SNX19: variants seen among roughly 807,000 people sequenced by gnomAD.
The protein encoded by SNX19 is sorting nexin 19.
A neutral mutation model predicts 85.2 loss-of-function variants in SNX19; 60 were observed. The ratio of observed to expected loss-of-function variants is 0.70; its 90% CI spans 0.57 to 0.87. SNX19 has a LOEUF of 0.87. Among genes scored for constraint, SNX19 ranks in the 40% least tolerant of loss-of-function variants. The pLI, the probability that SNX19 is intolerant of heterozygous loss-of-function variation, is 0.00. For synonymous variants in SNX19, 520 were observed against 470.0 expected, an observed-to-expected ratio of 1.11 and a Z score of -1.38; for missense variants, 1,201 against 1,217.8, an observed-to-expected ratio of 0.99 and a Z score of 0.21.
rs764424063 is a variant in SNX19 at position 130,915,545 on chromosome 11, T to G, written c.395A>C (p.Glu132Ala). The G allele has an allele frequency of 6.2e-7, 1 of 1,614,180 alleles. No individual in the cohort carries two copies. The highest frequency in any genetic ancestry group is 8.5e-7 in the Non-Finnish European group (1 of 1,180,026). Residue 132 changes from glutamate to alanine, a missense_variant, in exon 1 of 11, where the codon GAG becomes GCG. Transcript: ENST00000265909. ...CTGGACCAACCCTTTCATGGCTGCCTCCATTTCTTCCTCAAAGGCTGGCTC... is the reference window on the plus strand; with the variant it reads ...CTGGACCAACCCTTTCATGGCTGCCGCCATTTCTTCCTCAAAGGCTGGCTC... ...SQEPAFEEEMEAAMKGLVQEL... is the reference protein window; with the variant it reads ...SQEPAFEEEMAAAMKGLVQEL...
intron 8 of SNX19, among the ~76,000 whole-genome samples, chr11:130,888,549 A>G (rs1238499830): frequency 6.6e-5 from 10 of 152,222 alleles, no homozygotes; most frequent in South Asian, 6.2e-4. Flanking sequence ...CAGGCAGGGC[A>G]CACTCCTACT....
intron 8 of SNX19, among the ~76,000 whole-genome samples, chr11:130,900,375 C>T (rs1945179262): frequency 1.3e-5 from 2 of 152,140 alleles, no homozygotes; most frequent in Non-Finnish European, 2.9e-5. Context: ...GTCTCACAGC[C>T]TCTGCTCTGA....
Position 130,910,048 on chromosome 11 carries a change from C to A in SNX19, c.2004G>T (p.Lys668Asn), listed in dbSNP as rs1328963728. 10 of 1,613,972 alleles carry A rather than the reference C, an allele frequency of 6.2e-6. No homozygotes were observed. The highest frequency in any genetic ancestry group is 8.5e-6 in the Non-Finnish European group (10 of 1,180,036). Residue 668 changes from lysine to asparagine, a missense_variant, in exon 4 of 11, where the codon AAG becomes AAT. Physicochemically the swap from Lys to Asn is moderately conservative, Grantham distance 94. Transcript: ENST00000265909. The part of the protein sequence containing the change: ...LNTDARIAFV[K>N]KPFMVSRIDK... ...CTATTCTAGAGACCATAAATGGTTT[C>A]TTGACAAAGGCAATACGAGCATCTG...
intron 8 of SNX19, among the ~76,000 whole-genome samples, chr11:130,893,567 C>T (rs1944654595): frequency 6.6e-6 from 1 of 152,054 alleles, no homozygotes; most frequent in Non-Finnish European, 1.5e-5. Flanking sequence ...AAATGTAAAA[C>T]CTTTCCAAGT....
At position 130,914,638 on chromosome 11, in the gene SNX19, T is replaced by C. The variant is rs1289957003; in HGVS notation, c.1302A>G (p.Thr434=). ...AATTCAGTGTGGAGACCGGCAGGCC[T>C]GTCTCTGTTTCTGTCCCTGGACCCT... ...AEEGPGTETE[T]GLPVSTLNSC... is the part of the protein sequence containing the mutation. The change falls in exon 1 of 11, where the codon ACA becomes ACG. Residue 434 remains threonine, a synonymous_variant. Transcript: ENST00000265909. 2 of 1,613,824 alleles carry C rather than the reference T, an allele frequency of 1.2e-6. No homozygotes were observed. The highest frequency in any genetic ancestry group is 2.7e-5 in the African/African-American group (2 of 74,916).
chr11:130,904,497 AATC>A lies in SNX19; in HGVS notation c.2444-1116_2444-1114del, dbSNP rs199748329. 5.5e-3 allele frequency among the ~76,000 whole-genome samples: 833 copies of A among 152,292 alleles called. 3 individuals carry two copies. The highest frequency in any genetic ancestry group is 6.9e-3 in the Non-Finnish European group (466 of 68,014). ...GGAGCTGATATGTTGTGTGATTTCT[AATC>A]ATCTTCTCAAAGATGGAATATTGCA... On this transcript the variant is annotated intron_variant, in intron 7 of 10. Coordinates refer to ENST00000265909, the MANE Select transcript of SNX19 (RefSeq NM_014758.3).
Position 130,915,951 on chromosome 11 carries a change from C to G in SNX19, c.-12G>C, listed in dbSNP as rs1946559839. ...GTTTCTGTCTTCATGGCTGAACGGACAAGGTGGCTTCCCCAGATGACAGCC... is the reference window on the plus strand; with the variant it reads ...GTTTCTGTCTTCATGGCTGAACGGAGAAGGTGGCTTCCCCAGATGACAGCC... On this transcript the variant is annotated 5_prime_UTR_variant, in exon 1 of 11. Coordinates refer to ENST00000265909, the MANE Select transcript of SNX19 (RefSeq NM_014758.3). 3 of 1,608,396 alleles carry G rather than the reference C, an allele frequency of 1.9e-6. No individual in the cohort carries two copies. Among genetic ancestry groups the G allele is most frequent in the Non-Finnish European group, 1.7e-6 (2 of 1,176,628 alleles).
rs866468822 is a variant in SNX19 at position 130,915,742 on chromosome 11, G to A, written c.198C>T (p.Gly66=). 6.2e-7 allele frequency: 1 copy of A among 1,614,212 alleles called. No homozygotes were observed. ...CTGAAGCCACTCCAGCGAGGCTGGAGCCCAGCCATCCTCCCAGCACCACTA... is the reference window on the plus strand; with the variant it reads ...CTGAAGCCACTCCAGCGAGGCTGGAACCCAGCCATCCTCCCAGCACCACTA... ...ALLVVLGGWL[G]SSLAGVASGR... Residue 66 remains glycine (G), a synonymous_variant, in exon 1 of 11, where the codon GGC becomes GGT. Transcript: ENST00000265909.
chr11:130,870,686 G>A lies in SNX19; in HGVS notation c.*7736C>T, dbSNP rs1292880644. 6.6e-6 allele frequency among the ~76,000 whole-genome samples: 1 copy of A among 152,154 alleles called. No individual in the cohort carries two copies. The highest frequency in any genetic ancestry group is 2.4e-5 in the African/African-American group (1 of 41,428). Reference sequence around the variant, plus strand: ...CTGGGATGTGGAAGGTTGGGAGAAAGGAATCAACAAAATGAAAGTAACAGT... The same window carrying A: ...CTGGGATGTGGAAGGTTGGGAGAAAAGAATCAACAAAATGAAAGTAACAGT... On this transcript the variant is annotated 3_prime_UTR_variant, in exon 11 of 11. Coordinates refer to ENST00000265909, the MANE Select transcript of SNX19 (RefSeq NM_014758.3).
Position 130,877,828 on chromosome 11 carries a change from G to GA in SNX19, c.*593dup, listed in dbSNP as rs1943353311. 6.6e-6 allele frequency: 1 copy of GA among 152,594 alleles called. No homozygotes were observed. Among genetic ancestry groups the GA allele is most frequent in the African/African-American group, 2.4e-5 (1 of 41,456 alleles). The allele number at this position is 152,594 out of a possible 1,614,324, so 9.5% of individuals were successfully genotyped here. A position where few individuals can be genotyped will look rare whatever the true frequency, so the allele number is the denominator to read the frequency against. On this transcript the variant is annotated 3_prime_UTR_variant, in exon 11 of 11. Transcript: ENST00000265909. Reference sequence around the variant, plus strand: ...ATCTTCCATAAGGCTGATGTGTTGGGAAACAGCAACACATGAGCAAGAAGT... The same window carrying GA: ...ATCTTCCATAAGGCTGATGTGTTGGGAAAACAGCAACACATGAGCAAGAAGT...
intron 8 of SNX19, chr11:130,903,019 G>T (rs894554274): frequency 2.8e-5 from 13 of 460,568 alleles, no homozygotes; most frequent in African/African-American, 2.2e-4. Flanking sequence ...CACACACAGT[G>T]TCTGCAACTC....
rs548985952 is a variant in SNX19, at chr11:130,872,649, C to T, written c.*5773G>A. On this transcript the variant is annotated 3_prime_UTR_variant, in exon 11 of 11. Coordinates refer to ENST00000265909, the MANE Select transcript of SNX19 (RefSeq NM_014758.3). ...TTCGATGGTTTCATTTTCTTGTCTACAAAGGCAGGGTGAGCGACTGCTGCC... is the reference window on the plus strand; with the variant it reads ...TTCGATGGTTTCATTTTCTTGTCTATAAAGGCAGGGTGAGCGACTGCTGCC... 5.9e-5 allele frequency among the ~76,000 whole-genome samples: 9 copies of T among 152,260 alleles called. No homozygotes were observed. The highest frequency in any genetic ancestry group is 3.9e-4 in the East Asian group (2 of 5,156).
intron 8 of SNX19, among the ~76,000 whole-genome samples, chr11:130,882,080 T>C (rs545960857): frequency 4.6e-5 from 7 of 152,320 alleles, no homozygotes; most frequent in Non-Finnish European, 7.3e-5. Flanking sequence ...GGGGAAGATA[T>C]ACCAAATCTG....
Position 130,880,892 on chromosome 11 carries a change from C to A in SNX19, c.2574-86G>T, listed in dbSNP as rs113717007. 12 of 1,169,218 alleles carry A rather than the reference C, an allele frequency of 1.0e-5. No individual in the cohort carries two copies. The African/African-American group carries it at 1.5e-4, about 15-fold the overall frequency. The allele number at this position is 1,169,218 out of a possible 1,614,324, so 72.4% of individuals were successfully genotyped here. Reference sequence around the variant, plus strand: ...CGGACTGACTGTTTATGTTCCCCTGCAGATTCGTGTGTCAAAATCCTAACC... The same window carrying A: ...CGGACTGACTGTTTATGTTCCCCTGAAGATTCGTGTGTCAAAATCCTAACC... On this transcript the variant is annotated intron_variant, in intron 8 of 10. Transcript: ENST00000265909.
At chr11:130,904,676 C>T (rs1009832270) in intron 7 of SNX19, among the ~76,000 whole-genome samples, 1 of 147,608 alleles carries the variant, frequency 6.8e-6, no homozygotes, top group Non-Finnish European at 1.5e-5. Flanking sequence ...AAGTCAGTTG[C>T]CTTAAAGAAA....
At chr11:130,878,608 T>A in intron 10 of SNX19, 54 bp from the exon 11 acceptor site, 1 of 1,585,500 alleles carries the variant, frequency 6.3e-7, no homozygotes, top group Non-Finnish European at 8.6e-7. Flanking sequence ...AAACACAAGA[T>A]CCTGTTTATG....
chr11:130,908,113 C>G, intron 4 of SNX19, 30 bp from the exon 5 acceptor site: 1 of 1,608,562 alleles, frequency 6.2e-7, no homozygotes, highest in Non-Finnish European at 8.5e-7. Flanking sequence ...AGGGTCAGTC[C>G]ATCCACATCC....
intron 8 of SNX19, among the ~76,000 whole-genome samples, chr11:130,888,257 G>T (rs7106995): frequency 0.42 from 63,989 of 151,612 alleles, 13,909 homozygotes; most frequent in South Asian, 0.56. Context: ...TCATCATCTA[G>T]AGTTTTAACT....
intron 8 of SNX19, among the ~76,000 whole-genome samples, chr11:130,884,248 C>T (rs968984183): frequency 2.6e-5 from 4 of 152,104 alleles, no homozygotes; most frequent in East Asian, 1.9e-4. Context: ...GGCTAGAGCA[C>T]GGAAGACAAA....
Sources: allele counts gnomAD v4.1 joint callset (sites outside exome capture counted in the v4.1 genomes callset), GRCh38; gene constraint gnomAD v4.1.1; transcripts MANE v1.5; gene names NCBI Gene and HGNC (gene_info 2026-07-23, HGNC 2026-07-21).